ATXN2: variants seen among roughly 807,000 people sequenced by gnomAD.
ATXN2 encodes ataxin 2, also known as ataxin-2.
ATXN2 carries 37 observed loss-of-function variants against 138.6 expected under a neutral mutation model. The observed-to-expected ratio is 0.27, with a 90% CI of 0.21 to 0.35. ATXN2 has a LOEUF of 0.35. Ranked by LOEUF, ATXN2 falls within the 10% of genes least tolerant of loss-of-function variation. The pLI is 1.00. For synonymous variants in ATXN2, 549 were observed against 543.7 expected (o/e 1.01, Z -0.13); for missense variants, 1,216 against 1,480.3 (o/e 0.82, Z 2.93).
chr12:111,470,269 A>T, intron 19 of ATXN2, 29 bp from the exon 20 acceptor site: 1 of 1,605,906 alleles, frequency 6.2e-7, no homozygotes, highest in Non-Finnish European at 8.5e-7. Flanking sequence ...TAAAGAAAGC[A>T]CATTAACACT....
Position 111,456,256 on chromosome 12 carries a change from G to A in ATXN2, c.3043C>T (p.His1015Tyr). The change falls in exon 23 of 25, where the codon CAC becomes TAC. Residue 1015 changes from histidine (H) to tyrosine (Y), a missense_variant and splice_region_variant. His to Tyr is a moderately conservative substitution (Grantham distance 83). Coordinates refer to ENST00000673436, the MANE Select transcript of ATXN2 (RefSeq NM_001372574.1). ...GSHPAPSPVQ[H>Y]HQHQAAQALH... The stretch of plus-strand genomic sequence containing the variant: ...GCCTGGGCGGCCTGGTGCTGATGGT[G>A]CTGCAAAGCGACAGGAAAGAATTGA... The A allele has an allele frequency of 6.2e-7, 1 of 1,614,162 alleles. No homozygotes were observed. Among genetic ancestry groups the A allele is most frequent in the Non-Finnish European group, 8.5e-7 (1 of 1,179,970 alleles).
intron 5 of ATXN2, among the ~76,000 whole-genome samples, chr12:111,529,751 T>C (rs1250416553): frequency 6.6e-6 from 1 of 152,210 alleles, no homozygotes; most frequent in African/African-American, 2.4e-5. Flanking sequence ...GAGCCAATAA[T>C]GCCTCTGAAA....
chr12:111,503,734 C>T (rs1453440598), intron 14 of ATXN2, among the ~76,000 whole-genome samples: 1 of 151,862 alleles, frequency 6.6e-6, no homozygotes, highest in Non-Finnish European at 1.5e-5. Flanking sequence ...GGATTACAGG[C>T]ATGTGCCACC....
chr12:111,530,777 G>A (rs965587026), intron 5 of ATXN2, among the ~76,000 whole-genome samples: 1 of 152,094 alleles, frequency 6.6e-6, no homozygotes, highest in African/African-American at 2.4e-5. Flanking sequence ...TCGCGCCACT[G>A]CACTCCAGCC....
chr12:111,568,184 C>T (rs1883121315), intron 1 of ATXN2, among the ~76,000 whole-genome samples: 1 of 151,924 alleles, frequency 6.6e-6, no homozygotes, highest in African/African-American at 2.4e-5. Context: ...TCGCTTGAAC[C>T]CAGGAAGCAG....
At chr12:111,599,321 G>C, upstream of ATXN2, 3 of 1,168,914 alleles carry the variant, frequency 2.6e-6, no homozygotes, top group Non-Finnish European at 3.2e-6. Context: ...GCTCTGCCGG[G>C]AGGGAGGGGG....
chr12:111,453,832 G>C lies in ATXN2; in HGVS notation c.3284C>G (p.Ser1095Ter). The change falls in exon 24 of 25, where the codon TCA (serine) becomes TGA (stop). Residue 1095 changes from serine (S) to a stop codon, truncating the protein, a stop_gained. Transcript: ENST00000673436. LOFTEE classifies it high-confidence loss of function. The surrounding 1 kb of genome is among the most constrained non-coding windows in gnomAD (Gnocchi z 5.4). ...AGTTGGATGAGAAGGAACCATTCCTGACTGTACATGAGCCTGAAACAGAGA... is the reference window on the plus strand; with the variant it reads ...AGTTGGATGAGAAGGAACCATTCCTCACTGTACATGAGCCTGAAACAGAGA... ...MAHVPQAHVQSGMVPSHPTAH... is the reference protein window; with the variant it reads ...MAHVPQAHVQ 6.2e-7 allele frequency: 1 copy of C among 1,612,270 alleles called. No individual in the cohort carries two copies. Among genetic ancestry groups the C allele is most frequent in the Non-Finnish European group, 8.5e-7 (1 of 1,179,084 alleles).
At chr12:111,473,890 G>T (rs1052721268) in intron 18 of ATXN2, among the ~76,000 whole-genome samples, 4 of 152,084 alleles carry the variant, frequency 2.6e-5, no homozygotes, top group African/African-American at 9.7e-5. Context: ...TCAGATCGTG[G>T]GAAAAAAATA....
intron 21 of ATXN2, chr12:111,457,608 A>G: frequency 2.9e-6 from 1 of 349,600 alleles, no homozygotes; most frequent in Non-Finnish European, 5.0e-6. Context: ...ATTAGTTTGC[A>G]TTTACTCTTA....
intron 1 of ATXN2, among the ~76,000 whole-genome samples, chr12:111,595,792 A>C (rs1157503490): frequency 1.3e-5 from 2 of 151,618 alleles, no homozygotes; most frequent in Non-Finnish European, 2.9e-5. Flanking sequence ...GCAGTGGCTC[A>C]TTCCTGCCTG....
At chr12:111,461,549 T>C (rs889639613) in intron 21 of ATXN2, among the ~76,000 whole-genome samples, 3 of 151,962 alleles carry the variant, frequency 2.0e-5, no homozygotes, top group African/African-American at 7.3e-5. Flanking sequence ...TTTAAATCAA[T>C]ACTAGTAACA....
intron 1 of ATXN2, 87 bp from the exon 2 acceptor site, chr12:111,556,006 A>C: frequency 9.0e-7 from 1 of 1,110,798 alleles, no homozygotes; most frequent in Non-Finnish European, 1.3e-6. Context: ...AATTCCATTC[A>C]AATAAAGGAG....
At chr12:111,538,263 T>C (rs954918428) in intron 5 of ATXN2, among the ~76,000 whole-genome samples, 4 of 151,628 alleles carry the variant, frequency 2.6e-5, no homozygotes, top group Admixed American at 6.6e-5. Flanking sequence ...TAATACATTC[T>C]GTTTGTGAGA....
At chr12:111,507,510 C>T (rs1276125448) in intron 14 of ATXN2, among the ~76,000 whole-genome samples, 2 of 151,542 alleles carry the variant, frequency 1.3e-5, no homozygotes, top group African/African-American at 4.9e-5. Flanking sequence ...AGCCCCCGCC[C>T]GGCCAGCCGC....
intron 10 of ATXN2, among the ~76,000 whole-genome samples, chr12:111,514,423 C>T (rs1417773928): frequency 6.6e-6 from 1 of 152,214 alleles, no homozygotes; most frequent in East Asian, 1.9e-4. Flanking sequence ...TAACACCAAG[C>T]GAAAACTTCC....
chr12:111,524,290 T>A (rs1389607271), intron 6 of ATXN2, among the ~76,000 whole-genome samples: 1 of 152,216 alleles, frequency 6.6e-6, no homozygotes, highest in Non-Finnish European at 1.5e-5. Flanking sequence ...ATTATTAAGC[T>A]GTTATGCCTT....
chr12:111,488,421 A>T lies in ATXN2; in HGVS notation c.2240+55T>A, dbSNP rs1355046089. 5.0e-5 allele frequency: 31 copies of T among 626,254 alleles called. No individual in the cohort carries two copies. The East Asian group carries it at 5.4e-4, about 11-fold the overall frequency. 38.8% of individuals were successfully genotyped at this position (626,254 alleles called of 1,614,324 possible). On this transcript the variant is annotated intron_variant, in intron 15 of 24. Transcript: ENST00000673436. ...CAGTTGGAAGGACCTAAATGCCTTT[A>T]AAAAAAAAAAAGTTAATTGAGTAAC... is the stretch of plus-strand genomic sequence containing the variant.
intron 5 of ATXN2, among the ~76,000 whole-genome samples, chr12:111,532,254 C>T (rs1051781022): frequency 6.6e-6 from 1 of 152,020 alleles, no homozygotes; most frequent in African/African-American, 2.4e-5. Flanking sequence ...CCAAGGCAGG[C>T]GGATCACTTG....
chr12:111,579,827 G>A (rs1883891685), intron 1 of ATXN2, among the ~76,000 whole-genome samples: 1 of 151,326 alleles, frequency 6.6e-6, no homozygotes, highest in African/African-American at 2.4e-5. Context: ...GCCCCCCCGA[G>A]TAGCTGGGAT....
Sources: gnomAD v4.1 joint callset for allele counts (sites outside exome capture counted in the v4.1 genomes callset) on GRCh38, gnomAD v4.1.1 for gene constraint, Gnocchi (gnomAD v3.1) non-coding constraint, MANE v1.5 for transcripts, NCBI Gene and HGNC (gene_info 2026-07-23, HGNC 2026-07-21) for gene names.